ADCY4: variants seen among roughly 807,000 people sequenced by gnomAD.
ADCY4 encodes the protein adenylate cyclase type 4.
A neutral mutation model predicts 125.5 loss-of-function variants in ADCY4; 111 were observed. The observed-to-expected ratio is 0.88, with a 90% CI of 0.76 to 1.04. The LOEUF is 1.04. Ranked by LOEUF, ADCY4 falls within the 50% of genes least tolerant of loss-of-function variation. ADCY4 has a pLI of 0.00. For missense variants in ADCY4, 1,256 were observed against 1,382.9 expected, an observed-to-expected ratio of 0.91 and a Z score of 1.46; for synonymous variants, 576 against 586.9, an observed-to-expected ratio of 0.98 and a Z score of 0.27.
chr14:24,332,276 TA>T, intron 3 of ADCY4: 1 of 460,832 alleles, frequency 2.2e-6, no homozygotes, highest in Non-Finnish European at 3.7e-6. Flanking sequence ...AAGGTTTCAT[TA>T]ACCACATCTG....
In ADCY4 at chr14:24,320,014, A is replaced by C. The variant is rs919424534; in HGVS notation, c.2587-126T>G. 1.2e-5 allele frequency: 15 copies of C among 1,200,952 alleles called. No homozygotes were observed. In the African/African-American group the frequency reaches 1.8e-4, roughly 15 times the overall value. The allele number at this position is 1,200,952 out of a possible 1,614,324, so 74.4% of individuals were successfully genotyped here. ...CCCTGTTTAAGAAGAATTGGGAAGG[A>C]GGGAGAGGAGTAGGGCCAGGCTACC... On this transcript the variant is annotated intron_variant, in intron 20 of 24. Transcript: ENST00000418030.
At chr14:24,324,590 G>A (rs895470710) in intron 14 of ADCY4, among the ~76,000 whole-genome samples, 199 bp from the exon 15 acceptor site, 3 of 152,180 alleles carry the variant, frequency 2.0e-5, no homozygotes, top group African/African-American at 4.8e-5. Flanking sequence ...GAGCAGTGTC[G>A]AGGTGGAACA....
At position 24,334,756 on chromosome 14, in the gene ADCY4, G is replaced by A; in HGVS notation, c.-104C>T. On this transcript the variant is annotated 5_prime_UTR_variant, in exon 1 of 25. Coordinates refer to ENST00000418030, the MANE Select transcript of ADCY4 (RefSeq NM_001198568.2). ...GAGCTTTTCTCACCCGCTCAAAGCCGCTACCACCCCGCGCCCCCAACCTCG... is the reference window on the plus strand; with the variant it reads ...GAGCTTTTCTCACCCGCTCAAAGCCACTACCACCCCGCGCCCCCAACCTCG... The A allele has an allele frequency of 1.1e-6, 1 of 926,208 alleles. No homozygotes were observed. Among genetic ancestry groups the A allele is most frequent in the Non-Finnish European group, 1.5e-6 (1 of 645,296 alleles). The allele number at this position is 926,208 out of a possible 1,614,324, so 57.4% of individuals were successfully genotyped here. A position where few individuals can be genotyped will look rare whatever the true frequency, so the allele number is the denominator to read the frequency against.
chr14:24,325,859 G>A lies in ADCY4; in HGVS notation c.1684C>T (p.Pro562Ser), dbSNP rs1393055915. The change falls in exon 13 of 25, where the codon CCA (proline) becomes TCA (serine). Residue 562 changes from proline (P) to serine (S), a missense_variant. By Grantham distance (74) the Pro-to-Ser change is moderately conservative. Coordinates refer to ENST00000418030, the MANE Select transcript of ADCY4 (RefSeq NM_001198568.2). ...KQWKQSKDFN[P>S]LTLYFREKEM... ...TTCTCTCTGAAGTACAGTGTCAGTGGGTTGAAGTCCTTCGACTGCTTCCAC... is the reference window on the plus strand; with the variant it reads ...TTCTCTCTGAAGTACAGTGTCAGTGAGTTGAAGTCCTTCGACTGCTTCCAC... 3 of 1,597,274 alleles carry A rather than the reference G, an allele frequency of 1.9e-6. No homozygotes were observed. The highest frequency in any genetic ancestry group is 2.6e-6 in the Non-Finnish European group (3 of 1,169,964).
chr14:24,332,831 G>T lies in ADCY4; in HGVS notation c.317C>A (p.Ala106Asp), dbSNP rs76762926. ...CACCACGCCCCCGGTGAACAGGAAG[G>T]CGTGGCCTAGCGCTAGCAGCGCGAC... ...VWVALLALGH[A>D]FLFTGGVVSA... The change falls in exon 2 of 25, where the codon GCC becomes GAC. Residue 106 changes from alanine (A) to aspartate (D), a missense_variant. Physicochemically the swap from Ala to Asp is moderately radical, Grantham distance 126 (BLOSUM62 -2). Transcript: ENST00000418030. The T allele has an allele frequency of 6.3e-7, 1 of 1,583,288 alleles. No homozygotes were observed. Among genetic ancestry groups the T allele is most frequent in the Non-Finnish European group, 8.6e-7 (1 of 1,162,688 alleles).
intron 11 of ADCY4, 53 bp downstream of exon 11, chr14:24,326,246 T>C (rs1168845146): frequency 3.1e-6 from 5 of 1,612,238 alleles, no homozygotes; most frequent in African/African-American, 2.7e-5. Flanking sequence ...CCAGGGAGGA[T>C]GGAGGGGGTC....
chr14:24,330,545 G>C (rs570384424), intron 6 of ADCY4: 1 of 477,732 alleles, frequency 2.1e-6, no homozygotes, highest in Non-Finnish European at 3.8e-6. Context: ...CATGTTGAAG[G>C]GGGTACCCAG....
chr14:24,323,792 TC>T, intron 16 of ADCY4: 2 of 484,284 alleles, frequency 4.1e-6, no homozygotes, highest in Non-Finnish European at 5.4e-6. Context: ...TGAGTCTAAA[TC>T]CTGAAGAATC....
At chr14:24,328,651 C>T (rs990073660) in intron 10 of ADCY4, 11 of 191,262 alleles carry the variant, frequency 5.8e-5, no homozygotes, top group South Asian at 3.7e-4. Context: ...TAAATAACAG[C>T]GCAGCCCGAC....
chr14:24,334,502 T>C lies in ADCY4; in HGVS notation c.151A>G (p.Ser51Gly), dbSNP rs780932199. ...LAALLAVAWASGRELTSDPSF... is the reference protein window; with the variant it reads ...LAALLAVAWAGGRELTSDPSF... ...GCAGAGGCTCGGCTCACCCTGCCGCTGGCCCAGGCCACTGCGAGCAGCGCC... is the reference window on the plus strand; with the variant it reads ...GCAGAGGCTCGGCTCACCCTGCCGCCGGCCCAGGCCACTGCGAGCAGCGCC... The change falls in exon 1 of 25, where the codon AGC (serine) becomes GGC (glycine). Residue 51 changes from serine (S) to glycine (G), a missense_variant. By Grantham distance (56) the Ser-to-Gly change is moderately conservative. Coordinates refer to ENST00000418030, the MANE Select transcript of ADCY4 (RefSeq NM_001198568.2). The C allele has an allele frequency of 1.3e-6, 2 of 1,580,116 alleles. No homozygotes were observed. Among genetic ancestry groups the C allele is most frequent in the East Asian group, 2.3e-5 (1 of 43,270 alleles).
chr14:24,319,383 G>A lies in ADCY4; in HGVS notation c.2787C>T (p.Ser929=). 6.2e-7 allele frequency: 1 copy of A among 1,614,218 alleles called. No homozygotes were observed. The change falls in exon 22 of 25, where the codon AGC becomes AGT. Residue 929 remains serine, a synonymous_variant. Coordinates refer to ENST00000418030, the MANE Select transcript of ADCY4 (RefSeq NM_001198568.2). The surrounding 1 kb of genome is among the most constrained non-coding windows in gnomAD (Gnocchi z 4.5). ...SGVEKIKTIG[S]TYMAATGLNA... ...TTAAGCCTGTGGCTGCCATGTAGGT[G>A]CTGCCGATGGTCTTGATCTTCTCCA...
In ADCY4 at chr14:24,324,295, A is replaced by T. The variant is rs1430529192; in HGVS notation, c.1908+12T>A. ...CTCCGGCATACCACTTCCACCCCTC[A>T]GCCCACCTCACCATCAGGTCCTCTG... is the stretch of plus-strand genomic sequence containing the variant. On this transcript the variant is annotated intron_variant, in intron 15 of 24. Coordinates refer to ENST00000418030, the MANE Select transcript of ADCY4 (RefSeq NM_001198568.2). 1.2e-6 allele frequency: 2 copies of T among 1,614,148 alleles called. No homozygotes were observed. Among genetic ancestry groups the T allele is most frequent in the Admixed American group, 1.7e-5 (1 of 60,028 alleles).
chr14:24,322,254 GAC>G lies in ADCY4; in HGVS notation c.2428-32_2428-31del, dbSNP rs781462642. 2.5e-6 allele frequency: 4 copies of G among 1,595,510 alleles called. No homozygotes were observed. In the African/African-American group the frequency reaches 4.0e-5, roughly 16 times the overall value. Reference sequence around the variant, plus strand: ...GGAGGGTCACCCGGGGCCATGGGGAGACACAGAGCAGGGGAAGCCCAGCTCCT... The same window carrying G: ...GGAGGGTCACCCGGGGCCATGGGGAGACAGAGCAGGGGAAGCCCAGCTCCT... On this transcript the variant is annotated intron_variant, in intron 19 of 24. Transcript: ENST00000418030.
Position 24,330,010 on chromosome 14 carries a change from C to T in ADCY4, c.1067G>A (p.Arg356Gln), listed in dbSNP as rs371284019. The T allele has an allele frequency of 9.3e-6, 15 of 1,613,468 alleles. No individual in the cohort carries two copies. Among genetic ancestry groups the T allele is most frequent in the Middle Eastern group, 1.6e-4 (1 of 6,076 alleles). ...LDMCRAIRKL[R>Q]AATGVDINMR... ...GTTGATGTCCACGCCAGTGGCTGCCCGCAGTTTCCTGAGCAGTGTGTGTGT... is the reference window on the plus strand; with the variant it reads ...GTTGATGTCCACGCCAGTGGCTGCCTGCAGTTTCCTGAGCAGTGTGTGTGT... The change falls in exon 8 of 25, where the codon CGG becomes CAG. Residue 356 changes from arginine (R) to glutamine (Q), a missense_variant. Physicochemically the swap from Arg to Gln is conservative, Grantham distance 43 (BLOSUM62 1). Coordinates refer to ENST00000418030, the MANE Select transcript of ADCY4 (RefSeq NM_001198568.2).
chr14:24,332,313 G>A (rs764769593), intron 3 of ADCY4: 19 of 515,354 alleles, frequency 3.7e-5, no homozygotes, highest in Non-Finnish European at 4.6e-5. Context: ...ACCACGACAC[G>A]ACTCCCTTCC....
In ADCY4 at chr14:24,319,959, C is replaced by A; in HGVS notation, c.2587-71G>T. On this transcript the variant is annotated intron_variant, in intron 20 of 24. Coordinates refer to ENST00000418030, the MANE Select transcript of ADCY4 (RefSeq NM_001198568.2). The surrounding 1 kb of genome is among the most constrained non-coding windows in gnomAD (Gnocchi z 4.5). ...CTCCCTTCTAGAGGTCTGCGTGGGGCCCTCCTCCCCATGTCCACACTCCTG... is the reference window on the plus strand; with the variant it reads ...CTCCCTTCTAGAGGTCTGCGTGGGGACCTCCTCCCCATGTCCACACTCCTG... 15 of 1,543,732 alleles carry A rather than the reference C, an allele frequency of 9.7e-6. No individual in the cohort carries two copies. The highest frequency in any genetic ancestry group is 1.2e-5 in the Non-Finnish European group (14 of 1,140,644).
rs77575206 is a variant in ADCY4 at position 24,323,068 on chromosome 14, C to T, written c.2178G>A (p.Thr726=). Residue 726 remains threonine, a synonymous_variant, in exon 18 of 25, where the codon ACG becomes ACA. Coordinates refer to ENST00000418030, the MANE Select transcript of ADCY4 (RefSeq NM_001198568.2). ...AGAGGGAGCAGGAGAGGAAGCCCAG[C>T]GTGCAGCAGTGCATGGAGTACTGTG... is the stretch of plus-strand genomic sequence containing the variant. ...ISVPYSMHCC[T]LGFLSCSLFL... The T allele has an allele frequency of 3.3e-3, 5,360 of 1,614,116 alleles. 9 individuals carry two copies. Among genetic ancestry groups the T allele is most frequent in the Non-Finnish European group, 4.1e-3 (4,861 of 1,180,006 alleles).
intron 13 of ADCY4, 65 bp downstream of exon 13, chr14:24,325,753 C>A: frequency 8.4e-6 from 13 of 1,543,328 alleles, no homozygotes; most frequent in Non-Finnish European, 1.1e-5. Context: ...CAAGGGCTGA[C>A]CCCTCCCCAG....
At chr14:24,322,485 T>G (rs376872211) in intron 19 of ADCY4, 139 bp downstream of exon 19, 2 of 970,592 alleles carry the variant, frequency 2.1e-6, no homozygotes, top group Admixed American at 2.7e-5. Context: ...GGGCAGGGAG[T>G]GAAGGAGAAG....
Sources: gnomAD v4.1 joint callset for allele counts (sites outside exome capture counted in the v4.1 genomes callset) on GRCh38, gnomAD v4.1.1 for gene constraint, Gnocchi (gnomAD v3.1) non-coding constraint, MANE v1.5 for transcripts, NCBI Gene and HGNC (gene_info 2026-07-23, HGNC 2026-07-21) for gene names.